Variants in MCC observed in about 807,000 individuals in gnomAD.
MCC encodes the protein colorectal mutant cancer protein.
MCC carries 90 observed loss-of-function variants against 116.2 expected under a neutral mutation model. The observed-to-expected ratio is 0.77, with a 90% CI of 0.65 to 0.92. The LOEUF is 0.92. Ranked by LOEUF, MCC falls within the 40% of genes least tolerant of loss-of-function variation. The pLI is 0.00. For synonymous variants in MCC, 578 were observed against 510.5 expected, an observed-to-expected ratio of 1.13 and a Z score of -1.78; for missense variants, 1,516 against 1,312.2, an observed-to-expected ratio of 1.16 and a Z score of -2.40.
chr5:113,044,480 G>A (rs1349857464), intron 16 of MCC: 51 of 983,872 alleles, frequency 5.2e-5, no homozygotes, highest in Middle Eastern at 5.2e-4. Flanking sequence ...GGCATTCATC[G>A]GATGATCTCT....
intron 2 of MCC, among the ~76,000 whole-genome samples, chr5:113,342,413 T>C (rs932711294): frequency 6.6e-6 from 1 of 152,234 alleles, no homozygotes; most frequent in Admixed American, 6.5e-5. Flanking sequence ...GGAACTTCCA[T>C]TGTTTTTGAT....
At chr5:113,172,745 G>A (rs1761138827) in intron 3 of MCC, among the ~76,000 whole-genome samples, 1 of 152,106 alleles carries the variant, frequency 6.6e-6, no homozygotes, top group Non-Finnish European at 1.5e-5. Context: ...ACAAATTCGT[G>A]GAAATAGAGT....
chr5:113,219,337 C>T (rs1473386993), intron 3 of MCC, among the ~76,000 whole-genome samples: 1 of 152,182 alleles, frequency 6.6e-6, no homozygotes, highest in Non-Finnish European at 1.5e-5. Flanking sequence ...GGAGGCCCTT[C>T]CTGGGGGGCC....
At chr5:113,324,384 T>C (rs1337186569) in intron 3 of MCC, among the ~76,000 whole-genome samples, 2 of 152,218 alleles carry the variant, frequency 1.3e-5, no homozygotes, top group African/African-American at 4.8e-5. Context: ...CCTTGTTTAT[T>C]ACACACATAA....
At chr5:113,252,171 G>A (rs73244797) in intron 3 of MCC, among the ~76,000 whole-genome samples, 3,394 of 152,072 alleles carry the variant, frequency 0.022, 84 homozygotes, top group African/African-American at 0.063. Flanking sequence ...CAAGCATGTC[G>A]GCCCTTCATT....
intron 3 of MCC, among the ~76,000 whole-genome samples, chr5:113,152,003 C>T (rs928399904): frequency 6.6e-6 from 1 of 152,178 alleles, no homozygotes; most frequent in South Asian, 2.1e-4. Context: ...TGCCTCCCCA[C>T]TTCCCCCGAA....
intron 3 of MCC, among the ~76,000 whole-genome samples, chr5:113,218,093 C>T (rs892919999): frequency 8.8e-5 from 3 of 34,128 alleles, no homozygotes; most frequent in South Asian, 9.7e-4. Flanking sequence ...GATGGTTGCA[C>T]GGGGGTGGGG....
chr5:113,327,561 A>AAAAAAATATATATATAT (rs1480996383), intron 3 of MCC, among the ~76,000 whole-genome samples: 1 of 80,564 alleles, frequency 1.2e-5, no homozygotes, highest in African/African-American at 5.0e-5. Context: ...AAAAAAAAAA[A>AAAAAAATATATATATAT]ATATATATAT....
chr5:113,135,150 G>T (rs1172074852), intron 5 of MCC, among the ~76,000 whole-genome samples: 1 of 151,084 alleles, frequency 6.6e-6, no homozygotes, highest in Non-Finnish European at 1.5e-5. Context: ...ATATTGCCCA[G>T]GCTGGTCTTG....
chr5:113,364,262 C>CCAA (rs1768630594), intron 2 of MCC, among the ~76,000 whole-genome samples: 2 of 78,588 alleles, frequency 2.5e-5, no homozygotes, highest in Non-Finnish European at 2.6e-5. Context: ...AAAAAAAAAC[C>CCAA]AGAAAAAAAA....
At chr5:113,344,803 C>T (rs1480760555) in intron 2 of MCC, among the ~76,000 whole-genome samples, 1 of 152,012 alleles carries the variant, frequency 6.6e-6, no homozygotes. Flanking sequence ...CTGTACTTGC[C>T]GTGGGCCTTA....
chr5:113,330,831 C>T (rs1167922551), intron 3 of MCC, among the ~76,000 whole-genome samples: 1 of 152,184 alleles, frequency 6.6e-6, no homozygotes, highest in Non-Finnish European at 1.5e-5. Context: ...ACATGAACCT[C>T]TGTTGAACTA....
At chr5:113,053,032 G>A (rs1336360374) in intron 15 of MCC, among the ~76,000 whole-genome samples, 1 of 152,164 alleles carries the variant, frequency 6.6e-6, no homozygotes, top group Non-Finnish European at 1.5e-5. Context: ...CCAGGTGAAG[G>A]GCTGGTGCCT....
chr5:113,459,176 T>TGG (rs1771670773), intron 1 of MCC, among the ~76,000 whole-genome samples: 4 of 113,910 alleles, frequency 3.5e-5, no homozygotes, highest in Non-Finnish European at 6.8e-5. Context: ...TGTGTGTGTG[T>TGG]GTGAAGTGGG....
chr5:113,340,851 T>G, intron 2 of MCC, 121 bp from the exon 3 acceptor site: 1 of 736,608 alleles, frequency 1.4e-6, no homozygotes, highest in South Asian at 1.8e-5. Flanking sequence ...AGAACACATG[T>G]GATGCCCAGG....
intron 3 of MCC, among the ~76,000 whole-genome samples, chr5:113,299,701 G>A (rs969513173): frequency 3.9e-5 from 6 of 152,212 alleles, no homozygotes; most frequent in African/African-American, 1.4e-4. Context: ...TACTGTGGCT[G>A]CCTTAACATG....
chr5:113,144,710 A>G (rs1759387547), intron 4 of MCC, among the ~76,000 whole-genome samples: 1 of 152,374 alleles, frequency 6.6e-6, no homozygotes, highest in Admixed American at 6.5e-5. Flanking sequence ...CAGCTGGATC[A>G]GTATTTATGT....
At chr5:113,149,984 G>C (rs1357406657) in intron 4 of MCC, among the ~76,000 whole-genome samples, 1 of 152,162 alleles carries the variant, frequency 6.6e-6, no homozygotes, top group African/African-American at 2.4e-5. Flanking sequence ...GGTTTTGCCT[G>C]ACCAAAGAGT....
chr5:113,403,985 G>C (rs1418476619), intron 1 of MCC, among the ~76,000 whole-genome samples: 2 of 152,142 alleles, frequency 1.3e-5, no homozygotes, highest in Non-Finnish European at 2.9e-5. Flanking sequence ...TCCTGCCTCA[G>C]CCTCCTGAGT....
Sources: gnomAD v4.1 joint callset for allele counts (sites outside exome capture counted in the v4.1 genomes callset) on GRCh38, gnomAD v4.1.1 for gene constraint, MANE v1.5 for transcripts, NCBI Gene and HGNC (gene_info 2026-07-23, HGNC 2026-07-21) for gene names.